The following VEPH1 variants were observed in gnomAD, a reference collection of about 807,000 sequenced individuals.
VEPH1 encodes ventricular zone expressed PH domain containing 1.
Under a neutral mutation model 85.2 loss-of-function variants are expected in VEPH1, and 80 were observed. The observed-to-expected ratio is 0.94, with a 90% CI of 0.78 to 1.13. VEPH1 has a LOEUF of 1.13. Among genes scored for constraint, VEPH1 ranks in the 50% most tolerant of loss-of-function variants. VEPH1 has a pLI of 0.00. For synonymous variants in VEPH1, 297 were observed against 348.0 expected (o/e 0.85, Z 1.63); for missense variants, 955 against 980.5 (o/e 0.97, Z 0.35).
At chr3:157,401,236 A>G (rs1025394394) in intron 6 of VEPH1, among the ~76,000 whole-genome samples, 2 of 152,182 alleles carry the variant, frequency 1.3e-5, no homozygotes, top group Admixed American at 6.5e-5. Context: ...TATGGGTCCA[A>G]AAAGAAAGAA....
At chr3:157,483,311 C>T (rs1207422908) in intron 2 of VEPH1, among the ~76,000 whole-genome samples, 1 of 152,112 alleles carries the variant, frequency 6.6e-6, no homozygotes, top group African/African-American at 2.4e-5. Context: ...AGGTACAACA[C>T]TCAACACAGA....
Position 157,265,665 on chromosome 3 carries a change from G to A in VEPH1, c.2129-3C>T, listed in dbSNP as rs781317760. 6.2e-7 allele frequency: 1 copy of A among 1,612,542 alleles called. No individual in the cohort carries two copies. The highest frequency in any genetic ancestry group is 1.3e-5 in the African/African-American group (1 of 74,972). ...AGGCTGGCCATCTTGATTTACAACTGTTGAAGGTAGCAGAATAATCATGCC... is the reference window on the plus strand; with the variant it reads ...AGGCTGGCCATCTTGATTTACAACTATTGAAGGTAGCAGAATAATCATGCC... On this transcript the variant is annotated splice_region_variant and splice_polypyrimidine_tract_variant and intron_variant, in intron 12 of 13. Coordinates refer to ENST00000362010, the MANE Select transcript of VEPH1 (RefSeq NM_001167912.2).
intron 6 of VEPH1, among the ~76,000 whole-genome samples, chr3:157,386,034 C>T (rs1249447925): frequency 1.3e-5 from 2 of 152,010 alleles, no homozygotes; most frequent in Non-Finnish European, 2.9e-5. Flanking sequence ...TATTGGGAAA[C>T]TTTCAAGTTC....
At chr3:157,384,455 C>T (rs971272774) in intron 6 of VEPH1, among the ~76,000 whole-genome samples, 1 of 152,170 alleles carries the variant, frequency 6.6e-6, no homozygotes, top group Non-Finnish European at 1.5e-5. Flanking sequence ...AACCGTTTCA[C>T]AAACATTTCA....
intron 3 of VEPH1, among the ~76,000 whole-genome samples, chr3:157,462,758 T>C (rs556416826): frequency 2.6e-4 from 39 of 152,316 alleles, no homozygotes; most frequent in African/African-American, 8.7e-4. Flanking sequence ...CTGGAGACTC[T>C]ACCCTAATTC....
At chr3:157,440,629 T>TAC (rs1387656146) in intron 4 of VEPH1, among the ~76,000 whole-genome samples, 49 of 152,156 alleles carry the variant, frequency 3.2e-4, no homozygotes, top group African/African-American at 1.1e-3. Flanking sequence ...TATATGTATG[T>TAC]ATACATACAT....
At chr3:157,478,012 C>T (rs1737651251) in intron 2 of VEPH1, among the ~76,000 whole-genome samples, 1 of 152,160 alleles carries the variant, frequency 6.6e-6, no homozygotes, top group African/African-American at 2.4e-5. Context: ...CTATAGTGGA[C>T]ATGATGATAC....
At chr3:157,386,250 C>CAAAAAAAAAAAAA (rs71302265) in intron 6 of VEPH1, among the ~76,000 whole-genome samples, 1 of 38,488 alleles carries the variant, frequency 2.6e-5, no homozygotes, top group Non-Finnish European at 4.3e-5. Context: ...AATGGTTCCA[C>CAAAAAAAAAAAAA]AAAAAAAAAA....
At chr3:157,333,898 T>G (rs980239104) in intron 9 of VEPH1, among the ~76,000 whole-genome samples, 7 of 152,214 alleles carry the variant, frequency 4.6e-5, no homozygotes, top group African/African-American at 1.7e-4. Flanking sequence ...CATGTATATG[T>G]GAGTCACCCA....
intron 9 of VEPH1, among the ~76,000 whole-genome samples, chr3:157,329,210 G>T (rs12491934): frequency 6.6e-6 from 1 of 151,830 alleles, no homozygotes; most frequent in Non-Finnish European, 1.5e-5. Context: ...TATCTTTATC[G>T]TATAACTGAA....
intron 9 of VEPH1, among the ~76,000 whole-genome samples, chr3:157,321,681 C>T (rs1285565115): frequency 6.6e-6 from 1 of 152,036 alleles, no homozygotes; most frequent in East Asian, 1.9e-4. Context: ...GCTGAGGATT[C>T]GGACAGAGTT....
intron 4 of VEPH1, chr3:157,437,815 G>C: frequency 6.8e-7 from 1 of 1,462,986 alleles, no homozygotes; most frequent in Non-Finnish European, 8.9e-7. Flanking sequence ...CCCAGAGGAG[G>C]CGGGGCGCGC....
At chr3:157,403,100 C>A (rs1354517799) in intron 6 of VEPH1, among the ~76,000 whole-genome samples, 2 of 152,068 alleles carry the variant, frequency 1.3e-5, no homozygotes, top group Non-Finnish European at 2.9e-5. Flanking sequence ...GGCTTTGCAA[C>A]AAAATTCATC....
intron 12 of VEPH1, among the ~76,000 whole-genome samples, chr3:157,272,380 T>TTTCTTTCC (rs1368297890): frequency 1.0e-5 from 1 of 99,182 alleles, no homozygotes; most frequent in African/African-American, 4.2e-5. Context: ...CTTTCTTTTC[T>TTTCTTTCC]TTCTTTCTTT....
At chr3:157,330,104 T>C (rs1577355396) in intron 9 of VEPH1, among the ~76,000 whole-genome samples, 1 of 152,324 alleles carries the variant, frequency 6.6e-6, no homozygotes, top group East Asian at 1.9e-4. Flanking sequence ...AAAGCTCTTC[T>C]TTTCTTTCAA....
chr3:157,438,299 C>T (rs1351065973), intron 4 of VEPH1, among the ~76,000 whole-genome samples: 2 of 152,080 alleles, frequency 1.3e-5, no homozygotes, highest in Non-Finnish European at 2.9e-5. Context: ...CCCAGCTTCC[C>T]TCCGTTAGGG....
intron 11 of VEPH1, among the ~76,000 whole-genome samples, chr3:157,310,650 C>G (rs1400671964): frequency 6.6e-6 from 1 of 152,208 alleles, no homozygotes; most frequent in Non-Finnish European, 1.5e-5. Context: ...CTGGGTGGCT[C>G]TCTAGAGCAG....
At chr3:157,395,239 A>G (rs1346036730) in intron 6 of VEPH1, among the ~76,000 whole-genome samples, 1 of 152,214 alleles carries the variant, frequency 6.6e-6, no homozygotes, top group African/African-American at 2.4e-5. Flanking sequence ...GCAAATCCAT[A>G]TCCTGAGTAA....
intron 11 of VEPH1, among the ~76,000 whole-genome samples, chr3:157,309,170 G>T (rs1342712675): frequency 6.6e-6 from 1 of 152,020 alleles, no homozygotes; most frequent in Non-Finnish European, 1.5e-5. Context: ...CAAACAAGGA[G>T]ACAAGATCCC....
Sources: allele counts gnomAD v4.1 joint callset (sites outside exome capture counted in the v4.1 genomes callset), GRCh38; gene constraint gnomAD v4.1.1; transcripts MANE v1.5; gene names NCBI Gene and HGNC (gene_info 2026-07-23, HGNC 2026-07-21).